The following S100Z variants were observed in gnomAD, a reference collection of about 807,000 sequenced individuals.
The protein encoded by S100Z is protein S100-Z.
In S100Z, 11 loss-of-function variants were observed where a neutral mutation model predicts 8.5. The observed-to-expected ratio is 1.30, with a 90% CI of 0.82 to 2.15. The LOEUF (loss-of-function observed/expected upper bound fraction) is 2.15, where lower values mean the gene tolerates loss of function less well. Ranked by LOEUF, S100Z falls within the 30% of genes most tolerant of loss-of-function variation. S100Z has a pLI of 0.00. For missense variants in S100Z, 126 were observed against 117.9 expected (o/e 1.07, Z -0.32); for synonymous variants, 34 against 43.8 (o/e 0.78, Z 0.89).
At chr5:76,928,481 G>T in the S100Z span, among the ~76,000 whole-genome samples, 1 of 152,178 alleles carries the variant, frequency 6.6e-6, no homozygotes, top group Non-Finnish European at 1.5e-5. Flanking sequence ...GGCTTGTATG[G>T]AGCAGGGGTG....
chr5:76,895,165 C>T (rs530840432), intron 4 of S100Z, among the ~76,000 whole-genome samples: 13 of 152,190 alleles, frequency 8.5e-5, no homozygotes, highest in East Asian at 1.9e-4. Flanking sequence ...AGAAGTCAAG[C>T]GCATGTTTTC....
At chr5:76,918,444 C>G (rs1237770338) in intron 4 of S100Z, among the ~76,000 whole-genome samples, 1 of 152,200 alleles carries the variant, frequency 6.6e-6, no homozygotes, top group East Asian at 1.9e-4. Context: ...TGAGCTCAAG[C>G]AGTCCTCCCG....
At chr5:76,948,384 G>A in the S100Z span, among the ~76,000 whole-genome samples, 1 of 151,846 alleles carries the variant, frequency 6.6e-6, no homozygotes, top group African/African-American at 2.4e-5. Context: ...GATCAACAGG[G>A]TGCAAAGGTA....
intron 4 of S100Z, among the ~76,000 whole-genome samples, chr5:76,885,065 C>T (rs909978110): frequency 6.6e-6 from 1 of 152,122 alleles, no homozygotes; most frequent in Non-Finnish European, 1.5e-5. Context: ...ATCATAAGTG[C>T]CGTTTTCTGG....
rs572021124 is a variant in S100Z at position 76,894,836 on chromosome 5, G to T, written c.*2+17002G>T. On this transcript the variant is annotated intron_variant, in intron 4 of 4. Coordinates refer to ENST00000317593, the MANE Select transcript of S100Z (RefSeq NM_130772.4). ...ACCCCTGACCTCAGGTGATCCACCC[G>T]CCTCGGCCTCCCAAAGTCCTGGGAT... Among the ~76,000 whole-genome samples, 11 of 152,042 alleles carry T rather than the reference G, an allele frequency of 7.2e-5. No individual in the cohort carries two copies. In the East Asian group the frequency reaches 2.1e-3, roughly 29 times the overall value.
chr5:76,862,915 C>G lies in S100Z; in HGVS notation c.-175-7251C>G, dbSNP rs566481163. Among the ~76,000 whole-genome samples the G allele has an allele frequency of 7.4e-4, 112 of 152,320 alleles. 1 individual carries two copies. The highest frequency in any genetic ancestry group is 2.6e-3 in the African/African-American group (108 of 41,582). ...TGAATTGTACCTTCTCTTAAGAAAT[C>G]TGTGACTTCCTTACTCTGTTCTTTT... On this transcript the variant is annotated intron_variant, in intron 1 of 4. Transcript: ENST00000317593.
intron 2 of S100Z, among the ~76,000 whole-genome samples, chr5:76,873,516 CA>C (rs972771524): frequency 1.3e-5 from 2 of 152,060 alleles, no homozygotes; most frequent in Admixed American, 6.5e-5. Context: ...CCATTTTGGT[CA>C]GGGTGGTCTC....
chr5:76,932,632 G>A, the S100Z span, among the ~76,000 whole-genome samples: 1 of 152,198 alleles, frequency 6.6e-6, no homozygotes, highest in Non-Finnish European at 1.5e-5. Flanking sequence ...GGGATTACAG[G>A]TGTGATCCAC....
At chr5:76,913,243 T>C (rs1744730223) in intron 4 of S100Z, among the ~76,000 whole-genome samples, 1 of 152,224 alleles carries the variant, frequency 6.6e-6, no homozygotes, top group Admixed American at 6.5e-5. Flanking sequence ...ACAGGGGATC[T>C]AAATCTTAAC....
At chr5:76,940,533 C>T in the S100Z span, among the ~76,000 whole-genome samples, 1 of 152,048 alleles carries the variant, frequency 6.6e-6, no homozygotes, top group Admixed American at 6.5e-5. Context: ...CTGCCTCAGC[C>T]TCCTGAGTAG....
chr5:76,922,682 C>T (rs1009279833), downstream of S100Z, among the ~76,000 whole-genome samples: 9 of 152,160 alleles, frequency 5.9e-5, no homozygotes, highest in Non-Finnish European at 7.3e-5. Flanking sequence ...CGCTACCACG[C>T]CCGGCTAATT....
chr5:76,860,919 A>T (rs920466747), intron 1 of S100Z, among the ~76,000 whole-genome samples: 8 of 152,138 alleles, frequency 5.3e-5, no homozygotes, highest in African/African-American at 1.9e-4. Flanking sequence ...GAAGAAACGT[A>T]TCTATTTACA....
the S100Z span, among the ~76,000 whole-genome samples, chr5:76,949,911 ATTGTG>A: frequency 6.6e-6 from 1 of 152,186 alleles, no homozygotes; most frequent in African/African-American, 2.4e-5. Flanking sequence ...AGTTGATAAT[ATTGTG>A]TTGTGCACTT....
chr5:76,880,638 GAGA>G (rs1392411058), intron 4 of S100Z, among the ~76,000 whole-genome samples: 1 of 152,164 alleles, frequency 6.6e-6, no homozygotes, highest in Admixed American at 6.5e-5. Context: ...GTCCAAATAA[GAGA>G]AGGAGAAAAA....
rs1742958508 is a variant in S100Z at position 76,870,205 on chromosome 5, C to A, written c.-136C>A. 1 of 152,114 alleles carries A rather than the reference C, an allele frequency of 6.6e-6. No homozygotes were observed. Among genetic ancestry groups the A allele is most frequent in the Non-Finnish European group, 1.5e-5 (1 of 68,004 alleles). 9.4% of individuals were successfully genotyped at this position (152,114 alleles called of 1,614,324 possible). On this transcript the variant is annotated 5_prime_UTR_variant, in exon 2 of 5. Transcript: ENST00000317593. ...CCCCTGACTCTGTGTAGACACCCAG[C>A]TCTCCAGAAAAATGCTTTGAAGACA... is the stretch of plus-strand genomic sequence containing the variant.
At chr5:76,904,013 G>T (rs1396017040) in intron 4 of S100Z, among the ~76,000 whole-genome samples, 3 of 151,844 alleles carry the variant, frequency 2.0e-5, no homozygotes, top group African/African-American at 7.3e-5. Context: ...AGGATTACAG[G>T]CATGAGCCAC....
chr5:76,947,000 G>T, the S100Z span, among the ~76,000 whole-genome samples: 1 of 129,308 alleles, frequency 7.7e-6, no homozygotes, highest in African/African-American at 3.6e-5. Flanking sequence ...CCTACCCCCT[G>T]GCCTCTGGGC....
chr5:76,884,641 C>G (rs1743532318), intron 4 of S100Z, among the ~76,000 whole-genome samples: 1 of 152,170 alleles, frequency 6.6e-6, no homozygotes, highest in African/African-American at 2.4e-5. Context: ...ACTATGCCTT[C>G]AGCTCCAGCC....
chr5:76,878,507 C>T (rs1233053434), intron 4 of S100Z, among the ~76,000 whole-genome samples: 1 of 152,198 alleles, frequency 6.6e-6, no homozygotes, highest in Non-Finnish European at 1.5e-5. Context: ...GGGAGGCCAC[C>T]TTTTCTTCCT....
Sources: allele counts gnomAD v4.1 joint callset (sites outside exome capture counted in the v4.1 genomes callset), GRCh38; gene constraint gnomAD v4.1.1; transcripts MANE v1.5; gene names NCBI Gene and HGNC (gene_info 2026-07-23, HGNC 2026-07-21).